OLFM3: variants seen among roughly 807,000 people sequenced by gnomAD.
OLFM3 encodes the protein noelin-3.
OLFM3 carries 20 observed loss-of-function variants against 48.6 expected under a neutral mutation model. That is an observed-to-expected ratio of 0.41 (90% CI 0.29 to 0.60). The LOEUF (loss-of-function observed/expected upper bound fraction) is 0.60. OLFM3 is among the 20% of genes least tolerant of loss of function. The pLI is 0.28. For synonymous variants in OLFM3, 222 were observed against 198.1 expected (o/e 1.12, Z -1.01); for missense variants, 437 against 544.3 (o/e 0.80, Z 1.96).
At chr1:101,897,254 A>G (rs1490332543) in intron 1 of OLFM3, among the ~76,000 whole-genome samples, 2 of 152,240 alleles carry the variant, frequency 1.3e-5, no homozygotes, top group Non-Finnish European at 2.9e-5. Flanking sequence ...AAAAATAAAT[A>G]AATGCCTATA....
chr1:101,986,059 G>T (rs113229007), intron 1 of OLFM3, among the ~76,000 whole-genome samples: 3 of 149,834 alleles, frequency 2.0e-5, no homozygotes, highest in African/African-American at 7.4e-5. Flanking sequence ...TCCGCCTCCC[G>T]GGTTCACGCC....
At chr1:101,968,855 T>G (rs1310623908) in intron 1 of OLFM3, among the ~76,000 whole-genome samples, 1 of 152,198 alleles carries the variant, frequency 6.6e-6, no homozygotes, top group Non-Finnish European at 1.5e-5. Flanking sequence ...TTATTGTGAA[T>G]TTTTTGATTC....
intron 1 of OLFM3, among the ~76,000 whole-genome samples, chr1:101,873,662 G>T (rs1215386050): frequency 6.6e-6 from 1 of 151,458 alleles, no homozygotes; most frequent in Non-Finnish European, 1.5e-5. Flanking sequence ...TTCTTCCCTA[G>T]TATAAAAGAA....
intron 1 of OLFM3, among the ~76,000 whole-genome samples, chr1:101,860,374 AAC>A (rs1270659289): frequency 2.6e-5 from 4 of 152,108 alleles, no homozygotes; most frequent in African/African-American, 7.2e-5. Flanking sequence ...CAGCATGAAT[AAC>A]AGTCTTAATT....
intron 2 of OLFM3, among the ~76,000 whole-genome samples, chr1:101,834,703 C>G (rs1655318869): frequency 6.6e-6 from 1 of 152,152 alleles, no homozygotes; most frequent in Non-Finnish European, 1.5e-5. Context: ...CTTGTGGTGA[C>G]TCCAATTTTG....
chr1:101,925,542 A>C (rs1659245777), intron 1 of OLFM3, among the ~76,000 whole-genome samples: 1 of 151,988 alleles, frequency 6.6e-6, no homozygotes, highest in South Asian at 2.1e-4. Context: ...TCTTACAGAC[A>C]GGATCTTGCT....
At chr1:101,813,139 T>C in intron 4 of OLFM3, 1 of 1,272,920 alleles carries the variant, frequency 7.9e-7, no homozygotes, top group South Asian at 1.3e-5. Context: ...TTCTCTTTTT[T>C]AAATCAACTG....
chr1:101,932,793 G>T (rs1013465593), intron 1 of OLFM3, among the ~76,000 whole-genome samples: 1 of 152,040 alleles, frequency 6.6e-6, no homozygotes, highest in African/African-American at 2.4e-5. Context: ...CACCAGCAAT[G>T]GTTCTTAATA....
chr1:101,885,656 T>C (rs1176041865), intron 1 of OLFM3, among the ~76,000 whole-genome samples: 1 of 152,142 alleles, frequency 6.6e-6, no homozygotes, highest in African/African-American at 2.4e-5. Context: ...ATCTAATGGA[T>C]AGTAAATAAA....
intron 1 of OLFM3, among the ~76,000 whole-genome samples, chr1:101,885,893 T>C (rs1202663172): frequency 6.6e-6 from 1 of 152,080 alleles, no homozygotes; most frequent in East Asian, 1.9e-4. Context: ...TTTAGGGGAA[T>C]CAAAAGTTAT....
chr1:101,875,405 T>C (rs1557711702), intron 1 of OLFM3, among the ~76,000 whole-genome samples: 1 of 151,932 alleles, frequency 6.6e-6, no homozygotes, highest in Admixed American at 6.6e-5. Flanking sequence ...TAGTATTGGC[T>C]AATCAATTTT....
intron 1 of OLFM3, among the ~76,000 whole-genome samples, chr1:101,946,170 G>A (rs1166666052): frequency 6.7e-6 from 1 of 149,194 alleles, no homozygotes; most frequent in Non-Finnish European, 1.5e-5. Context: ...GAGAAAAGCA[G>A]TGTAAAAATG....
intron 1 of OLFM3, among the ~76,000 whole-genome samples, chr1:101,994,843 T>A (rs1661515718): frequency 6.6e-6 from 1 of 152,018 alleles, no homozygotes; most frequent in Admixed American, 6.6e-5. Context: ...AAAGTTAATG[T>A]ATGCCTTCCC....
chr1:101,973,438 G>T (rs574401166), intron 1 of OLFM3, among the ~76,000 whole-genome samples: 3 of 152,198 alleles, frequency 2.0e-5, no homozygotes, highest in Non-Finnish European at 4.4e-5. Context: ...TCCAGGGTAG[G>T]TTTTGTCTAC....
chr1:101,807,689 C>A (rs1653844045), intron 4 of OLFM3, among the ~76,000 whole-genome samples: 2 of 151,750 alleles, frequency 1.3e-5, no homozygotes, highest in South Asian at 4.1e-4. Flanking sequence ...TCTAGCATTT[C>A]ATAAAACTTG....
At chr1:101,816,742 A>G (rs1454067245) in intron 4 of OLFM3, among the ~76,000 whole-genome samples, 1 of 152,174 alleles carries the variant, frequency 6.6e-6, no homozygotes, top group Admixed American at 6.5e-5. Flanking sequence ...TAGTGGATCA[A>G]TAGCATGTAT....
chr1:101,819,383 C>G, intron 4 of OLFM3, among the ~76,000 whole-genome samples: 1 of 152,056 alleles, frequency 6.6e-6, no homozygotes, highest in East Asian at 1.9e-4. Context: ...CACTTGAATA[C>G]AGGTGTAATA....
intron 1 of OLFM3, among the ~76,000 whole-genome samples, chr1:101,921,184 A>T (rs998777582): frequency 7.2e-6 from 1 of 139,508 alleles, no homozygotes; most frequent in Non-Finnish European, 1.5e-5. Flanking sequence ...GATAGTTGAC[A>T]ATCTATTTAA....
At chr1:101,850,515 T>A (rs1389364837) in intron 1 of OLFM3, among the ~76,000 whole-genome samples, 2 of 152,094 alleles carry the variant, frequency 1.3e-5, no homozygotes, top group East Asian at 3.9e-4. Context: ...AAAAGTTAAA[T>A]GTTGTTTTAA....
Sources: allele counts gnomAD v4.1 joint callset (sites outside exome capture counted in the v4.1 genomes callset), GRCh38; gene constraint gnomAD v4.1.1; transcripts MANE v1.5; gene names NCBI Gene and HGNC (gene_info 2026-07-23, HGNC 2026-07-21).